Variants in STPG2 observed in about 807,000 individuals in gnomAD.
STPG2 encodes sperm-tail PG-rich repeat-containing protein 2.
In STPG2, 56 loss-of-function variants were observed where a neutral mutation model predicts 54.2. The ratio of observed to expected loss-of-function variants is 1.03; its 90% confidence interval spans 0.83 to 1.29. STPG2 has a LOEUF of 1.29. Among genes scored for constraint, STPG2 ranks in the 50% most tolerant of loss-of-function variants. STPG2 has a pLI of 0.00. For synonymous variants in STPG2, 200 were observed against 181.8 expected, an observed-to-expected ratio of 1.10 and a Z score of -0.81; for missense variants, 596 against 544.9, an observed-to-expected ratio of 1.09 and a Z score of -0.93.
chr4:97,732,401 A>G (rs1724830212), intron 9 of STPG2, among the ~76,000 whole-genome samples: 1 of 152,188 alleles, frequency 6.6e-6, no homozygotes, highest in African/African-American at 2.4e-5. Flanking sequence ...TCGTCTTCAT[A>G]TGGCTTGCCA....
chr4:97,464,970 C>A (rs1054251312), intron 4 of STPG2, among the ~76,000 whole-genome samples: 1 of 152,004 alleles, frequency 6.6e-6, no homozygotes, highest in Non-Finnish European at 1.5e-5. Context: ...AGTTCTTTCC[C>A]CTGGAAAGCA....
chr4:97,922,548 G>A (rs1040037230), intron 8 of STPG2, among the ~76,000 whole-genome samples: 3 of 152,174 alleles, frequency 2.0e-5, no homozygotes, highest in Non-Finnish European at 1.5e-5. Flanking sequence ...GTGCTGTGTG[G>A]AAGTTCAAAT....
intron 10 of STPG2, among the ~76,000 whole-genome samples, chr4:97,625,229 T>C (rs1734110237): frequency 6.6e-6 from 1 of 152,260 alleles, no homozygotes; most frequent in Admixed American, 6.5e-5. Context: ...AAAACATTTA[T>C]AATGCTGGCA....
chr4:97,912,141 CCCT>C (rs1731705307), intron 8 of STPG2, among the ~76,000 whole-genome samples: 1 of 151,824 alleles, frequency 6.6e-6, no homozygotes, highest in East Asian at 1.9e-4. Flanking sequence ...AAAAAAAACA[CCCT>C]ACAAAAAAAA....
rs540755196 is a variant in STPG2 at position 97,953,758 on chromosome 4, T to C, written c.934-9751A>G. 5.9e-5 allele frequency among the ~76,000 whole-genome samples: 9 copies of C among 152,354 alleles called. 1 individual carries two copies. The South Asian group carries it at 1.7e-3, about 28-fold the overall frequency. The stretch of plus-strand genomic sequence containing the variant: ...ATCCTGGAGGCATTCTCTCTGCCTT[T>C]CACACTCTGAGGAAGAAGTTTTTCA... On this transcript the variant is annotated intron_variant, in intron 7 of 10. Transcript: ENST00000295268.
chr4:98,123,034 G>T (rs1739725033), intron 3 of STPG2, among the ~76,000 whole-genome samples: 2 of 152,100 alleles, frequency 1.3e-5, no homozygotes, highest in South Asian at 4.1e-4. Flanking sequence ...TGTGGGGTCA[G>T]TGATGAGATC....
intron 10 of STPG2, among the ~76,000 whole-genome samples, chr4:97,674,365 A>G (rs1436812777): frequency 6.6e-6 from 1 of 152,230 alleles, no homozygotes; most frequent in African/African-American, 2.4e-5. Context: ...AATGTGATTC[A>G]TAATATTCAG....
At chr4:97,926,462 C>T (rs976975730) in intron 8 of STPG2, among the ~76,000 whole-genome samples, 8 of 152,208 alleles carry the variant, frequency 5.3e-5, no homozygotes, top group African/African-American at 1.9e-4. Flanking sequence ...CATAGAAATG[C>T]TTTTATATCT....
intron 5 of STPG2, among the ~76,000 whole-genome samples, chr4:98,017,118 G>A (rs1735976655): frequency 1.3e-5 from 2 of 152,200 alleles, no homozygotes; most frequent in South Asian, 4.1e-4. Flanking sequence ...TGGACCTGGA[G>A]CCTGAATCTG....
intron 10 of STPG2, among the ~76,000 whole-genome samples, chr4:97,646,769 TTTG>T (rs1161959776): frequency 2.0e-5 from 3 of 152,160 alleles, no homozygotes; most frequent in African/African-American, 7.2e-5. Flanking sequence ...TTCAAAATCA[TTTG>T]TTAATTTTTA....
intron 5 of STPG2, among the ~76,000 whole-genome samples, chr4:97,987,458 T>C (rs1483466125): frequency 6.6e-6 from 1 of 152,144 alleles, no homozygotes; most frequent in African/African-American, 2.4e-5. Context: ...TTGTAAGAAA[T>C]TAAGCTTTTA....
At chr4:97,963,044 A>C (rs1343908074) in intron 7 of STPG2, among the ~76,000 whole-genome samples, 1 of 152,144 alleles carries the variant, frequency 6.6e-6, no homozygotes, top group East Asian at 1.9e-4. Context: ...CTGTAATCCC[A>C]GCTACTCAGG....
chr4:98,051,171 C>G (rs1737309383), intron 5 of STPG2, among the ~76,000 whole-genome samples: 1 of 152,060 alleles, frequency 6.6e-6, no homozygotes. Flanking sequence ...CTAGAAATGC[C>G]AAAGGAAGTT....
chr4:97,880,766 G>T (rs1375483924), intron 8 of STPG2, among the ~76,000 whole-genome samples: 1 of 151,920 alleles, frequency 6.6e-6, no homozygotes, highest in Admixed American at 6.6e-5. Context: ...CCTTCAAGGA[G>T]AAAGGGAATA....
At chr4:98,069,188 ACTAT>A (rs572846239) in intron 5 of STPG2, among the ~76,000 whole-genome samples, 8 of 152,222 alleles carry the variant, frequency 5.3e-5, no homozygotes, top group South Asian at 4.1e-4. Flanking sequence ...CTTGCACTGT[ACTAT>A]CTAATTTATT....
chr4:97,924,381 A>G (rs1732255697), intron 8 of STPG2, among the ~76,000 whole-genome samples: 1 of 152,242 alleles, frequency 6.6e-6, no homozygotes, highest in African/African-American at 2.4e-5. Flanking sequence ...ATAGTAATAC[A>G]ATAGGACTTT....
At chr4:97,617,781 G>A (rs150877555) in intron 10 of STPG2, among the ~76,000 whole-genome samples, 60 of 152,162 alleles carry the variant, frequency 3.9e-4, no homozygotes, top group Middle Eastern at 3.4e-3. Flanking sequence ...TACCAGCACC[G>A]GATATAGTCC....
chr4:97,907,406 T>G (rs1449485003), intron 8 of STPG2, among the ~76,000 whole-genome samples: 1 of 152,142 alleles, frequency 6.6e-6, no homozygotes, highest in Non-Finnish European at 1.5e-5. Context: ...TGTTCATGGG[T>G]AGGAAGAATC....
At chr4:97,893,660 C>G (rs987801245) in intron 8 of STPG2, among the ~76,000 whole-genome samples, 5 of 152,014 alleles carry the variant, frequency 3.3e-5, no homozygotes, top group African/African-American at 1.2e-4. Context: ...AGGAAGGAGA[C>G]TATTTTACTA....
Sources: allele counts gnomAD v4.1 joint callset (sites outside exome capture counted in the v4.1 genomes callset), GRCh38; gene constraint gnomAD v4.1.1; transcripts MANE v1.5; gene names NCBI Gene and HGNC (gene_info 2026-07-23, HGNC 2026-07-21).